The following CSMD1 variants were observed in gnomAD, a reference collection of about 807,000 sequenced individuals.
CSMD1 encodes CUB and sushi domain-containing protein 1.
CSMD1 carries 213 observed loss-of-function variants against 417.5 expected under a neutral mutation model. The ratio of observed to expected loss-of-function variants is 0.51; its 90% CI spans 0.46 to 0.57. CSMD1 has a LOEUF of 0.57. Among genes scored for constraint, CSMD1 ranks in the 20% least tolerant of loss-of-function variants. The pLI is 0.00. For synonymous variants in CSMD1, 2,862 were observed against 1,736.8 expected (o/e 1.65, Z -16.11); for missense variants, 6,923 against 4,529.7 (o/e 1.53, Z -15.17).
intron 31 of CSMD1, among the ~76,000 whole-genome samples, 162 bp from the exon 32 acceptor site, chr8:3,201,887 C>T (rs1447118633): frequency 6.6e-6 from 1 of 152,166 alleles, no homozygotes; most frequent in East Asian, 1.9e-4. Flanking sequence ...TCTAAGTTTT[C>T]AGTTGACAAA....
At chr8:3,500,797 A>G (rs1436265402) in intron 10 of CSMD1, among the ~76,000 whole-genome samples, 2 of 152,178 alleles carry the variant, frequency 1.3e-5, no homozygotes, top group African/African-American at 2.4e-5. Flanking sequence ...GGCATGGAAG[A>G]AGCGCTAAAG....
chr8:4,151,172 A>T (rs371416073), intron 3 of CSMD1, among the ~76,000 whole-genome samples: 3 of 152,214 alleles, frequency 2.0e-5, no homozygotes, highest in Admixed American at 1.3e-4. Context: ...AAGCAAAGGA[A>T]TTCAGGCAAA....
intron 3 of CSMD1, among the ~76,000 whole-genome samples, chr8:4,115,350 T>G (rs920524787): frequency 2.0e-5 from 3 of 152,202 alleles, no homozygotes; most frequent in Non-Finnish European, 4.4e-5. Context: ...ATAATACTGT[T>G]GCATAAAGGT....
chr8:4,132,601 C>G (rs1803178959), intron 3 of CSMD1, among the ~76,000 whole-genome samples: 1 of 152,154 alleles, frequency 6.6e-6, no homozygotes, highest in Non-Finnish European at 1.5e-5. Flanking sequence ...GCTGATAATT[C>G]ATTCCAGCAC....
chr8:3,089,256 G>C (rs1387937285), intron 48 of CSMD1, among the ~76,000 whole-genome samples: 1 of 152,328 alleles, frequency 6.6e-6, no homozygotes, highest in South Asian at 2.1e-4. Flanking sequence ...GGTGAGAGAA[G>C]ACTGGGACAG....
intron 5 of CSMD1, among the ~76,000 whole-genome samples, chr8:3,850,317 C>T (rs1803810558): frequency 6.6e-6 from 1 of 152,106 alleles, no homozygotes; most frequent in African/African-American, 2.4e-5. Context: ...CTTTGTTTTC[C>T]ATAGGGTCTC....
At chr8:3,519,961 G>T (rs1427593171) in intron 10 of CSMD1, among the ~76,000 whole-genome samples, 1 of 149,746 alleles carries the variant, frequency 6.7e-6, no homozygotes, top group Non-Finnish European at 1.5e-5. Flanking sequence ...TGAAAGTCAG[G>T]CACACTTTTT....
intron 10 of CSMD1, among the ~76,000 whole-genome samples, chr8:3,543,920 T>C (rs1798547635): frequency 6.6e-6 from 1 of 152,124 alleles, no homozygotes; most frequent in Non-Finnish European, 1.5e-5. Flanking sequence ...AGAACTCCAG[T>C]GTTTACAGGA....
chr8:3,360,998 T>G (rs1563310289), intron 20 of CSMD1, among the ~76,000 whole-genome samples: 1 of 152,156 alleles, frequency 6.6e-6, no homozygotes, highest in Non-Finnish European at 1.5e-5. Flanking sequence ...AGCTCTGAGG[T>G]GGATACTTTC....
chr8:4,387,183 G>C (rs1050393638), intron 3 of CSMD1, among the ~76,000 whole-genome samples: 10 of 152,160 alleles, frequency 6.6e-5, no homozygotes, highest in Non-Finnish European at 1.3e-4. Flanking sequence ...CCATCTTGTG[G>C]CTAGGAGGTA....
intron 2 of CSMD1, among the ~76,000 whole-genome samples, chr8:4,603,433 C>A (rs1800700459): frequency 6.6e-6 from 1 of 152,002 alleles, no homozygotes; most frequent in Admixed American, 6.6e-5. Context: ...AAACTCCATT[C>A]AGAATGTACA....
At chr8:4,929,186 G>C (rs920682994) in intron 1 of CSMD1, among the ~76,000 whole-genome samples, 1 of 152,112 alleles carries the variant, frequency 6.6e-6, no homozygotes, top group Non-Finnish European at 1.5e-5. Flanking sequence ...TCCTGCAAAG[G>C]GAACAGAGCA....
At chr8:3,880,898 A>C (rs1429828338) in intron 5 of CSMD1, among the ~76,000 whole-genome samples, 3 of 152,166 alleles carry the variant, frequency 2.0e-5, no homozygotes, top group Non-Finnish European at 4.4e-5. Flanking sequence ...GTACCATTGA[A>C]AGTAAACACA....
At position 3,343,439 on chromosome 8, in the gene CSMD1, T is replaced by C; in HGVS notation, c.3486A>G (p.Gly1162=). 1.9e-6 allele frequency: 3 copies of C among 1,613,568 alleles called. No homozygotes were observed. The highest frequency in any genetic ancestry group is 4.5e-5 in the East Asian group (2 of 44,838). The change falls in exon 23 of 70, where the codon GGA becomes GGG. Residue 1162 remains glycine, a synonymous_variant. Coordinates refer to ENST00000635120, the MANE Select transcript of CSMD1 (RefSeq NM_033225.6). Reference sequence around the variant, plus strand: ...CCAGTGGACGTGAGGAACTGTCTTTTCCATCATATACCTGATGAAAATTCA... The same window carrying C: ...CCAGTGGACGTGAGGAACTGTCTTTCCCATCATATACCTGATGAAAATTCA... ...FEGDTLKVYD[G]KDSSSRPLGT... is the part of the protein sequence containing the mutation.
chr8:3,137,468 T>G (rs1236343514), intron 41 of CSMD1, among the ~76,000 whole-genome samples: 1 of 152,238 alleles, frequency 6.6e-6, no homozygotes, highest in Non-Finnish European at 1.5e-5. Context: ...CGCTTCCTGC[T>G]GAGCGCGGAG....
intron 3 of CSMD1, among the ~76,000 whole-genome samples, chr8:4,262,455 A>T (rs560839074): frequency 6.6e-6 from 1 of 152,218 alleles, no homozygotes; most frequent in Non-Finnish European, 1.5e-5. Flanking sequence ...CGCGCAGTGC[A>T]GGCAAAGACA....
intron 3 of CSMD1, among the ~76,000 whole-genome samples, chr8:4,114,936 A>G (rs1802053932): frequency 6.6e-6 from 1 of 152,156 alleles, no homozygotes; most frequent in African/African-American, 2.4e-5. Context: ...GATACAATCT[A>G]CTCCTGGTAA....
intron 12 of CSMD1, among the ~76,000 whole-genome samples, chr8:3,446,764 G>T (rs1435819758): frequency 3.9e-5 from 6 of 152,228 alleles, no homozygotes; most frequent in Admixed American, 3.9e-4. Context: ...CTAGACTTCG[G>T]AATCCTGACG....
intron 5 of CSMD1, among the ~76,000 whole-genome samples, chr8:3,947,635 ATT>A (rs1563242058): frequency 6.7e-6 from 1 of 150,348 alleles, no homozygotes; most frequent in African/African-American, 2.4e-5. Context: ...TTTCCCACAT[ATT>A]CTGTTATCAA....
Sources: gnomAD v4.1 joint callset for allele counts (sites outside exome capture counted in the v4.1 genomes callset) on GRCh38, gnomAD v4.1.1 for gene constraint, MANE v1.5 for transcripts, NCBI Gene and HGNC (gene_info 2026-07-23, HGNC 2026-07-21) for gene names.